Variants in PLEKHA5 observed in about 807,000 individuals in gnomAD.
PLEKHA5 encodes pleckstrin homology domain containing A5, also known as pleckstrin homology domain-containing family A member 5.
In PLEKHA5, 55 loss-of-function variants were observed where a neutral mutation model predicts 181.9. The observed-to-expected ratio is 0.30, with a 90% CI of 0.24 to 0.38. The LOEUF (loss-of-function observed/expected upper bound fraction) is 0.38. PLEKHA5 is among the 10% of genes least tolerant of loss of function. The pLI is 1.00. For missense variants in PLEKHA5, 1,432 were observed against 1,549.5 expected, an observed-to-expected ratio of 0.92 and a Z score of 1.27; for synonymous variants, 535 against 529.4, an observed-to-expected ratio of 1.01 and a Z score of -0.15.
chr12:19,237,030 G>A (rs767512856), intron 3 of PLEKHA5: 13 of 152,122 alleles, frequency 8.5e-5, no homozygotes, highest in Admixed American at 1.3e-4. Flanking sequence ...TTTTGATGAA[G>A]GCTGGTGAGT....
chr12:19,177,459 A>G (rs2047582071), intron 3 of PLEKHA5, among the ~76,000 whole-genome samples: 1 of 152,192 alleles, frequency 6.6e-6, no homozygotes, highest in South Asian at 2.1e-4. Context: ...TAGGGAAACT[A>G]AGGATGAGGG....
rs77884449 is a variant in PLEKHA5, at chr12:19,197,319, A to G, written c.228-56621A>G. 1.7e-3 allele frequency among the ~76,000 whole-genome samples: 261 copies of G among 152,162 alleles called. 3 individuals are homozygous for G. The East Asian group carries it at 0.026, about 15-fold the overall frequency. On this transcript the variant is annotated intron_variant, in intron 3 of 31. Transcript: ENST00000429027. ...CTCATACTGTTCTGGCTATTTTTCA[A>G]ATATGTCACCAATACTTATTTTGGA...
At chr12:19,222,391 A>G (rs1223371125) in intron 3 of PLEKHA5, among the ~76,000 whole-genome samples, 1 of 152,148 alleles carries the variant, frequency 6.6e-6, no homozygotes, top group Non-Finnish European at 1.5e-5. Context: ...AAATGTAAGC[A>G]GAGCCTAATT....
At chr12:19,255,644 G>C (rs183441063) in intron 5 of PLEKHA5, among the ~76,000 whole-genome samples, 64 of 151,754 alleles carry the variant, frequency 4.2e-4, no homozygotes, top group African/African-American at 1.5e-3. Context: ...AAATTTTCAA[G>C]TAATATAAAT....
At chr12:19,295,129 A>G (rs1376847753) in intron 15 of PLEKHA5, among the ~76,000 whole-genome samples, 1 of 152,232 alleles carries the variant, frequency 6.6e-6, no homozygotes, top group Non-Finnish European at 1.5e-5. Context: ...GTATACATAC[A>G]GTAATCCCAA....
intron 3 of PLEKHA5, among the ~76,000 whole-genome samples, chr12:19,162,594 G>T (rs549718170): frequency 6.6e-6 from 1 of 151,790 alleles, no homozygotes; most frequent in Admixed American, 6.6e-5. Context: ...AAAAGAGTTG[G>T]GGGCAGAGAG....
At chr12:19,308,482 G>A (rs543388070) in intron 15 of PLEKHA5, among the ~76,000 whole-genome samples, 5 of 152,218 alleles carry the variant, frequency 3.3e-5, no homozygotes, top group East Asian at 1.9e-4. Context: ...TACTATTGGC[G>A]CTGCTTCATA....
intron 26 of PLEKHA5, among the ~76,000 whole-genome samples, chr12:19,357,380 G>A (rs987229204): frequency 6.6e-6 from 1 of 151,710 alleles, no homozygotes; most frequent in Non-Finnish European, 1.5e-5. Flanking sequence ...GAGTAGCTGG[G>A]ACTACTGGCA....
At chr12:19,201,056 A>G (rs2054065889) in intron 3 of PLEKHA5, 1 of 152,142 alleles carries the variant, frequency 6.6e-6, no homozygotes, top group South Asian at 2.1e-4. Flanking sequence ...AAGAGAATGA[A>G]AAGACAAGTC....
chr12:19,215,528 C>G (rs571643950), intron 3 of PLEKHA5, among the ~76,000 whole-genome samples: 16 of 152,086 alleles, frequency 1.1e-4, no homozygotes, highest in Admixed American at 2.0e-4. Flanking sequence ...CCTGTCACTT[C>G]AAGTTATACT....
At chr12:19,313,971 A>G (rs938493565) in intron 15 of PLEKHA5, among the ~76,000 whole-genome samples, 2 of 152,164 alleles carry the variant, frequency 1.3e-5, no homozygotes, top group African/African-American at 2.4e-5. Flanking sequence ...TTTTCTGTAT[A>G]TGAAAGATGA....
intron 3 of PLEKHA5, among the ~76,000 whole-genome samples, chr12:19,179,695 T>G (rs2048110771): frequency 6.6e-6 from 1 of 152,162 alleles, no homozygotes; most frequent in South Asian, 2.1e-4. Flanking sequence ...AAGTGTTAGT[T>G]AAATATAAAT....
chr12:19,273,713 G>A (rs376290462), intron 10 of PLEKHA5, among the ~76,000 whole-genome samples: 2 of 152,294 alleles, frequency 1.3e-5, no homozygotes, highest in South Asian at 2.1e-4. Flanking sequence ...GACACATGCT[G>A]TTAACGAGCT....
intron 3 of PLEKHA5, among the ~76,000 whole-genome samples, chr12:19,133,926 A>T (rs757744451): frequency 6.6e-6 from 1 of 152,074 alleles, no homozygotes; most frequent in African/African-American, 2.4e-5. Flanking sequence ...TTTCTTGTCA[A>T]GCTAGTAGTA....
intron 3 of PLEKHA5, chr12:19,207,872 G>A (rs2055957821): frequency 6.6e-6 from 1 of 152,148 alleles, no homozygotes. Flanking sequence ...ACGGTAATGA[G>A]AAGTAAAATG....
At chr12:19,246,869 G>A (rs1226972310) in intron 3 of PLEKHA5, among the ~76,000 whole-genome samples, 1 of 152,042 alleles carries the variant, frequency 6.6e-6, no homozygotes, top group Non-Finnish European at 1.5e-5. Context: ...ATAATTTGAA[G>A]TAACTCTCCA....
At position 19,278,575 on chromosome 12, in the gene PLEKHA5, A is replaced by G. The variant is rs1462351867; in HGVS notation, c.1313+3592A>G. Among the ~76,000 whole-genome samples, 4 of 152,136 alleles carry G rather than the reference A, an allele frequency of 2.6e-5. No homozygotes were observed. In the East Asian group the frequency reaches 5.8e-4, roughly 22 times the overall value. ...TGTCAGAGTAAATTGCTTTAGTACT[A>G]GGGCAGTCTCTTTGATGGAGTCAGC... On this transcript the variant is annotated intron_variant, in intron 11 of 31. Transcript: ENST00000429027.
At chr12:19,287,800 C>T (rs549555185) in intron 13 of PLEKHA5, among the ~76,000 whole-genome samples, 156 of 152,216 alleles carry the variant, frequency 1.0e-3, no homozygotes, top group African/African-American at 3.7e-3. Context: ...ACTTTATGGC[C>T]GGGCACGGTG....
intron 3 of PLEKHA5, among the ~76,000 whole-genome samples, chr12:19,191,623 A>G (rs1484772869): frequency 1.3e-5 from 2 of 152,226 alleles, no homozygotes; most frequent in Non-Finnish European, 2.9e-5. Context: ...AATCACCTCT[A>G]AACATAATGC....
Sources: gnomAD v4.1 joint callset for allele counts (sites outside exome capture counted in the v4.1 genomes callset) on GRCh38, gnomAD v4.1.1 for gene constraint, MANE v1.5 for transcripts, NCBI Gene and HGNC (gene_info 2026-07-23, HGNC 2026-07-21) for gene names.